The following PROX1 variants were observed in gnomAD, a reference collection of about 807,000 sequenced individuals.
The protein encoded by PROX1 is prospero homeobox 1.
PROX1 carries 7 observed loss-of-function variants against 58.8 expected under a neutral mutation model. That is an observed-to-expected ratio of 0.12 (90% CI 0.07 to 0.22). The LOEUF is 0.22. Among genes scored for constraint, PROX1 ranks in the 10% least tolerant of loss-of-function variants. The pLI is 1.00. For missense variants in PROX1, 675 were observed against 927.8 expected (o/e 0.73, Z 3.54); for synonymous variants, 350 against 358.3 (o/e 0.98, Z 0.26).
Position 214,041,500 on chromosome 1 carries a change from CTT to C in PROX1, c.*5667_*5668del, listed in dbSNP as rs1184766483. 6 of 139,672 alleles carry C rather than the reference CTT, an allele frequency of 4.3e-5. No individual in the cohort carries two copies. Among genetic ancestry groups the C allele is most frequent in the Middle Eastern group, 3.7e-3 (1 of 268 alleles). The allele number at this position is 139,672 out of a possible 1,614,324, so 8.7% of individuals were successfully genotyped here. ...GGCTTAACTTTATTTAGCCCTGAAA[CTT>C]AAAAAAAAAAAAAAAAGCTTTAGCT... On this transcript the variant is annotated 3_prime_UTR_variant, in exon 5 of 5. Coordinates refer to ENST00000366958, the MANE Select transcript of PROX1 (RefSeq NM_001270616.2).
Position 214,040,443 on chromosome 1 carries a change from T to G in PROX1, c.*4609T>G, listed in dbSNP as rs926026765. On this transcript the variant is annotated 3_prime_UTR_variant, in exon 5 of 5. Transcript: ENST00000366958. ...GAAAACGTATTCATTCTGTATTTTT[T>G]TAAATATTCAATTCCCCTAAAAATG... 3.9e-5 allele frequency: 6 copies of G among 152,320 alleles called. No homozygotes were observed. Among genetic ancestry groups the G allele is most frequent in the African/African-American group, 1.4e-4 (6 of 41,582 alleles). 9.4% of individuals were successfully genotyped at this position (152,320 alleles called of 1,614,324 possible).
chr1:214,032,073 TA>T (rs1390255586), intron 4 of PROX1, among the ~76,000 whole-genome samples: 4 of 152,326 alleles, frequency 2.6e-5, no homozygotes, highest in Non-Finnish European at 5.9e-5. Context: ...TATAAACCAA[TA>T]ACCAAAGTCT....
At chr1:213,990,043 A>G (rs1662967359) in intron 1 of PROX1, among the ~76,000 whole-genome samples, 1 of 151,730 alleles carries the variant, frequency 6.6e-6, no homozygotes, top group South Asian at 2.1e-4. Flanking sequence ...GCTTATAAAA[A>G]CAGAGGAAGC....
intron 4 of PROX1, among the ~76,000 whole-genome samples, chr1:214,022,682 C>A (rs1397718784): frequency 6.6e-6 from 1 of 152,154 alleles, no homozygotes; most frequent in Non-Finnish European, 1.5e-5. Flanking sequence ...TCTGGCCATA[C>A]CTGCCTCATT....
chr1:213,998,250 C>A lies in PROX1; in HGVS notation c.1715C>A (p.Ser572Ter). ...GATATGTCTGAAATATCACCTTATT[C>A]GGGAAGTGCAATATCCTTTTATTTT... ...LQDMSEISPYSGSAMQEGLSP... is the reference protein window; with the variant it reads ...LQDMSEISPY Residue 572 changes from serine to a stop codon, truncating the protein, a stop_gained, in exon 2 of 5, where the codon TCG (serine) becomes TAG (stop). Coordinates refer to ENST00000366958, the MANE Select transcript of PROX1 (RefSeq NM_001270616.2). LOFTEE classifies it high-confidence loss of function. The A allele has an allele frequency of 6.4e-7, 1 of 1,558,986 alleles. No homozygotes were observed. The highest frequency in any genetic ancestry group is 8.7e-7 in the Non-Finnish European group (1 of 1,153,462).
chr1:214,015,588 G>A (rs1664064969), intron 4 of PROX1, among the ~76,000 whole-genome samples: 1 of 151,990 alleles, frequency 6.6e-6, no homozygotes. Context: ...CAGTTTCTGA[G>A]GCTGGTTTAC....
intron 4 of PROX1, among the ~76,000 whole-genome samples, chr1:214,012,941 G>C (rs4655482): frequency 6.6e-6 from 1 of 151,708 alleles, no homozygotes; most frequent in Non-Finnish European, 1.5e-5. Context: ...CCTTTTTTTC[G>C]GCTCTTGTCC....
chr1:213,988,679 G>T, intron 1 of PROX1, 196 bp downstream of exon 1: 1 of 152,148 alleles, frequency 6.6e-6, no homozygotes, highest in Non-Finnish European at 1.5e-5. Flanking sequence ...CTAAGCGGGA[G>T]CCTCCGTGGA....
Position 214,011,545 on chromosome 1 carries a change from C to A in PROX1, c.1858C>A (p.Leu620Ile), listed in dbSNP as rs779529666. 8 of 1,613,662 alleles carry A rather than the reference C, an allele frequency of 5.0e-6. No individual in the cohort carries two copies. Among genetic ancestry groups the A allele is most frequent in the Non-Finnish European group, 6.8e-6 (8 of 1,179,742 alleles). The change falls in exon 4 of 5, where the codon CTC (leucine) becomes ATC (isoleucine). Residue 620 changes from leucine to isoleucine, a missense_variant. Physicochemically the swap from Leu to Ile is conservative, Grantham distance 5. Transcript: ENST00000366958. ...GTTCAACAGATGCATTACCTCTCAG[C>A]TCATCAAGTGGTTTAGCAATTTCCG... ...VKFNRCITSQLIKWFSNFREF... is the reference protein window; with the variant it reads ...VKFNRCITSQIIKWFSNFREF...
At chr1:214,018,981 T>C (rs1286640766) in intron 4 of PROX1, among the ~76,000 whole-genome samples, 1 of 152,208 alleles carries the variant, frequency 6.6e-6, no homozygotes, top group Non-Finnish European at 1.5e-5. Flanking sequence ...AAGTTCTTTG[T>C]GCTACAAGCT....
intron 4 of PROX1, among the ~76,000 whole-genome samples, chr1:214,032,996 AACTACACTTCCCTCCC>A (rs1664710661): frequency 6.6e-6 from 1 of 152,118 alleles, no homozygotes; most frequent in Non-Finnish European, 1.5e-5. Flanking sequence ...CAAATCCTAC[AACTACACTTCCCTCCC>A]TCCCCTGCTG....
At chr1:214,033,754 T>G (rs912709280) in intron 4 of PROX1, among the ~76,000 whole-genome samples, 1 of 152,198 alleles carries the variant, frequency 6.6e-6, no homozygotes, top group African/African-American at 2.4e-5. Flanking sequence ...TGTGGAGGAT[T>G]ATCTTTGGGG....
chr1:214,019,136 G>C (rs1292923648), intron 4 of PROX1, among the ~76,000 whole-genome samples: 1 of 152,328 alleles, frequency 6.6e-6, no homozygotes, highest in Non-Finnish European at 1.5e-5. Context: ...GACAAGGCCT[G>C]CTGAGAGACC....
chr1:214,010,900 A>T (rs1447521176), intron 3 of PROX1, among the ~76,000 whole-genome samples: 1 of 152,164 alleles, frequency 6.6e-6, no homozygotes, highest in Non-Finnish European at 1.5e-5. Context: ...AGGCACCAGG[A>T]GCTGACCAGA....
chr1:214,001,895 C>A (rs1663525948), intron 2 of PROX1, among the ~76,000 whole-genome samples: 2 of 152,040 alleles, frequency 1.3e-5, no homozygotes, highest in African/African-American at 2.4e-5. Flanking sequence ...ACTACACAGC[C>A]CTCCGATTAT....
At chr1:213,990,362 G>A (rs1662984137) in intron 1 of PROX1, among the ~76,000 whole-genome samples, 1 of 138,734 alleles carries the variant, frequency 7.2e-6, no homozygotes, top group South Asian at 2.3e-4. Context: ...GGTTGTCCTG[G>A]TTAATAGGAT....
intron 1 of PROX1, among the ~76,000 whole-genome samples, chr1:213,993,537 A>G (rs1342092324): frequency 6.6e-6 from 1 of 152,220 alleles, no homozygotes; most frequent in East Asian, 1.9e-4. Context: ...GTAACGTAAC[A>G]GTACATTTTC....
At chr1:214,035,061 ATAT>A (rs1244077206) in intron 4 of PROX1, among the ~76,000 whole-genome samples, 5 of 152,214 alleles carry the variant, frequency 3.3e-5, no homozygotes, top group East Asian at 3.9e-4. Context: ...CTTCATGTTA[ATAT>A]TATTATTTTA....
At chr1:214,004,342 T>C (rs1663630597) in intron 2 of PROX1, among the ~76,000 whole-genome samples, 1 of 152,222 alleles carries the variant, frequency 6.6e-6, no homozygotes, top group Non-Finnish European at 1.5e-5. Flanking sequence ...TAAAAGGTAA[T>C]GATGTTTCCA....
Sources: allele counts gnomAD v4.1 joint callset (sites outside exome capture counted in the v4.1 genomes callset), GRCh38; gene constraint gnomAD v4.1.1; transcripts MANE v1.5; gene names NCBI Gene and HGNC (gene_info 2026-07-23, HGNC 2026-07-21).